KCNQ5: variants seen among roughly 807,000 people sequenced by gnomAD.
KCNQ5 encodes the protein potassium voltage-gated channel subfamily KQT member 5.
Under a neutral mutation model 98.2 loss-of-function variants are expected in KCNQ5, and 30 were observed. That is an observed-to-expected ratio of 0.31 (90% CI 0.23 to 0.41). The LOEUF is 0.41. KCNQ5 is among the 10% of genes least tolerant of loss of function. The probability of loss-of-function intolerance (pLI) is 1.00; values close to 1 mark genes in which losing one functional copy is unlikely to be tolerated. For missense variants in KCNQ5, 835 were observed against 1,182.5 expected (o/e 0.71, Z 4.31); for synonymous variants, 458 against 449.4 (o/e 1.02, Z -0.24).
At chr6:72,628,008 G>A (rs768950861) in intron 1 of KCNQ5, among the ~76,000 whole-genome samples, 5 of 152,088 alleles carry the variant, frequency 3.3e-5, no homozygotes, top group Non-Finnish European at 5.9e-5. Flanking sequence ...CCATTGTACT[G>A]TCATCGTGGG....
chr6:73,187,950 G>A (rs541621196), intron 11 of KCNQ5, among the ~76,000 whole-genome samples: 1 of 152,082 alleles, frequency 6.6e-6, no homozygotes, highest in South Asian at 2.1e-4. Flanking sequence ...AAAAATGGCA[G>A]ATCCCCATTA....
intron 10 of KCNQ5, among the ~76,000 whole-genome samples, chr6:73,157,195 G>A (rs557606143): frequency 3.3e-5 from 5 of 152,350 alleles, no homozygotes; most frequent in Admixed American, 2.6e-4. Flanking sequence ...GGGAGCTACC[G>A]AAGCAAAGTT....
intron 1 of KCNQ5, chr6:72,986,471 C>T (rs1768784066): frequency 4.1e-6 from 2 of 490,856 alleles, no homozygotes; most frequent in Non-Finnish European, 7.4e-6. Context: ...ATGATGATTA[C>T]TTTGCCAATG....
At chr6:73,154,825 G>A (rs1777294003) in intron 10 of KCNQ5, among the ~76,000 whole-genome samples, 1 of 152,148 alleles carries the variant, frequency 6.6e-6, no homozygotes, top group African/African-American at 2.4e-5. Context: ...TAAACATTAT[G>A]TGGAAATTTT....
At chr6:72,901,266 T>C (rs1000155190) in intron 1 of KCNQ5, among the ~76,000 whole-genome samples, 2 of 152,146 alleles carry the variant, frequency 1.3e-5, no homozygotes, top group East Asian at 3.9e-4. Flanking sequence ...TTGTCACATA[T>C]ATAGATTGTG....
At chr6:72,755,622 A>G (rs1419160998) in intron 1 of KCNQ5, among the ~76,000 whole-genome samples, 1 of 152,134 alleles carries the variant, frequency 6.6e-6, no homozygotes, top group Non-Finnish European at 1.5e-5. Flanking sequence ...CACAGCACAT[A>G]TTCCATTTAC....
chr6:73,075,913 T>C (rs1773519157), intron 3 of KCNQ5, among the ~76,000 whole-genome samples: 1 of 152,082 alleles, frequency 6.6e-6, no homozygotes, highest in Non-Finnish European at 1.5e-5. Context: ...GGCGTGTTGG[T>C]GCATGCCTGT....
rs1265216935 is a variant in KCNQ5, at chr6:72,982,121, T to C, written c.399-21787T>C. ...AAGTGTGATGTGGTGCTGAGAAGAA[T>C]GTATATTCTGTTGATTTGGGTTGGA... On this transcript the variant is annotated intron_variant, in intron 1 of 13. Transcript: ENST00000370398. Among the ~76,000 whole-genome samples, 3 of 152,212 alleles carry C rather than the reference T, an allele frequency of 2.0e-5. No homozygotes were observed. The East Asian group carries it at 5.8e-4, about 29-fold the overall frequency.
chr6:73,109,433 G>C (rs376637533), intron 6 of KCNQ5, among the ~76,000 whole-genome samples: 2 of 152,122 alleles, frequency 1.3e-5, no homozygotes, highest in East Asian at 3.8e-4. Context: ...ATAAATGCAT[G>C]TATATATACT....
intron 1 of KCNQ5, among the ~76,000 whole-genome samples, chr6:72,898,820 A>G (rs6909147): frequency 0.29 from 44,031 of 152,024 alleles, 6,604 homozygotes; most frequent in Non-Finnish European, 0.32. Flanking sequence ...ATTTCTCCAC[A>G]GCTTCTCCAG....
At chr6:73,142,265 C>G (rs1776752766) in intron 10 of KCNQ5, among the ~76,000 whole-genome samples, 1 of 152,030 alleles carries the variant, frequency 6.6e-6, no homozygotes, top group Non-Finnish European at 1.5e-5. Context: ...GGGGTAATAC[C>G]AGGAGATGAG....
intron 1 of KCNQ5, among the ~76,000 whole-genome samples, chr6:72,766,086 G>A (rs191663577): frequency 6.6e-6 from 1 of 152,132 alleles, no homozygotes; most frequent in East Asian, 1.9e-4. Flanking sequence ...AGAGTGATGG[G>A]TCTAATTTTA....
chr6:72,984,840 T>C (rs749255283), intron 1 of KCNQ5, among the ~76,000 whole-genome samples: 1 of 152,234 alleles, frequency 6.6e-6, no homozygotes, highest in Non-Finnish European at 1.5e-5. Flanking sequence ...TTCGGCCATT[T>C]TGGAACCAAT....
intron 1 of KCNQ5, among the ~76,000 whole-genome samples, chr6:72,747,054 T>G (rs1771441838): frequency 6.6e-6 from 1 of 152,122 alleles, no homozygotes; most frequent in Non-Finnish European, 1.5e-5. Context: ...GTTCAGGGGT[T>G]GATGATAACC....
intron 1 of KCNQ5, among the ~76,000 whole-genome samples, chr6:72,639,831 G>A (rs975914871): frequency 3.3e-5 from 5 of 152,034 alleles, no homozygotes; most frequent in African/African-American, 9.7e-5. Context: ...ATTTCTCCAA[G>A]CAGCTGGAGG....
intron 1 of KCNQ5, among the ~76,000 whole-genome samples, chr6:72,727,848 A>G (rs968201754): frequency 2.0e-5 from 3 of 152,102 alleles, no homozygotes; most frequent in Admixed American, 2.0e-4. Context: ...TTCTTGAACC[A>G]AGAGCTCTGT....
At chr6:73,015,760 G>A (rs914914657) in intron 2 of KCNQ5, among the ~76,000 whole-genome samples, 1 of 152,040 alleles carries the variant, frequency 6.6e-6, no homozygotes, top group South Asian at 2.1e-4. Flanking sequence ...ATTTTACAGG[G>A]TTACTGGAAA....
chr6:73,139,430 A>G (rs1018809465), intron 10 of KCNQ5, among the ~76,000 whole-genome samples: 2 of 152,212 alleles, frequency 1.3e-5, no homozygotes, highest in Non-Finnish European at 2.9e-5. Flanking sequence ...AACTTTCCAT[A>G]GTATAATATT....
chr6:73,045,082 C>A (rs898573947), intron 3 of KCNQ5, among the ~76,000 whole-genome samples: 1 of 152,080 alleles, frequency 6.6e-6, no homozygotes, highest in African/African-American at 2.4e-5. Flanking sequence ...GACAAAGGCC[C>A]AATTGATAGA....
Sources: allele counts gnomAD v4.1 joint callset (sites outside exome capture counted in the v4.1 genomes callset), GRCh38; gene constraint gnomAD v4.1.1; transcripts MANE v1.5; gene names NCBI Gene and HGNC (gene_info 2026-07-23, HGNC 2026-07-21).